Variants in PDE3A observed in about 807,000 individuals in gnomAD.
PDE3A encodes the protein phosphodiesterase 3A, also known as cGMP-inhibited 3',5'-cyclic phosphodiesterase 3A.
Under a neutral mutation model 98.3 loss-of-function variants are expected in PDE3A, and 43 were observed. The ratio of observed to expected loss-of-function variants is 0.44; its 90% CI spans 0.34 to 0.56. The LOEUF is 0.56. PDE3A is among the 20% of genes least tolerant of loss of function. PDE3A has a pLI of 0.01. For missense variants in PDE3A, 1,427 were observed against 1,440.7 expected, an observed-to-expected ratio of 0.99 and a Z score of 0.15; for synonymous variants, 663 against 567.9, an observed-to-expected ratio of 1.17 and a Z score of -2.38.
intron 1 of PDE3A, among the ~76,000 whole-genome samples, chr12:20,525,244 G>A (rs1946495333): frequency 6.6e-6 from 1 of 152,146 alleles, no homozygotes; most frequent in South Asian, 2.1e-4. Flanking sequence ...TATATGTGTT[G>A]TGAGGACTGA....
At chr12:20,435,717 CT>C (rs990690049) in intron 1 of PDE3A, among the ~76,000 whole-genome samples, 11 of 152,164 alleles carry the variant, frequency 7.2e-5, no homozygotes, top group African/African-American at 2.4e-4. Context: ...TAACTCACAG[CT>C]CTTGTAAGGA....
At chr12:20,556,765 C>A in intron 2 of PDE3A, 55 bp downstream of exon 2, 1 of 1,260,492 alleles carries the variant, frequency 7.9e-7, no homozygotes, top group Non-Finnish European at 1.2e-6. Flanking sequence ...CTTTCAGCCA[C>A]GGGTTTTCTA....
chr12:20,424,627 C>T (rs1944574850), intron 1 of PDE3A, among the ~76,000 whole-genome samples: 2 of 152,064 alleles, frequency 1.3e-5, no homozygotes, highest in Admixed American at 6.6e-5. Flanking sequence ...TTACACCTGC[C>T]TTATGGATGA....
intron 1 of PDE3A, among the ~76,000 whole-genome samples, chr12:20,548,537 C>A (rs1431284127): frequency 6.6e-6 from 1 of 151,842 alleles, no homozygotes; most frequent in Admixed American, 6.6e-5. Flanking sequence ...TCAATCTCTC[C>A]CTCTCTGTTT....
intron 1 of PDE3A, among the ~76,000 whole-genome samples, chr12:20,429,925 C>T (rs1381581999): frequency 1.3e-5 from 2 of 151,958 alleles, no homozygotes; most frequent in East Asian, 1.9e-4. Context: ...TACATTTTGC[C>T]ACACGGTTGT....
intron 10 of PDE3A, among the ~76,000 whole-genome samples, chr12:20,645,369 T>C (rs924308316): frequency 6.6e-6 from 1 of 152,164 alleles, no homozygotes; most frequent in African/African-American, 2.4e-5. Context: ...ACATTGACCA[T>C]AGGTTTCCTC....
rs571962291 is a variant in PDE3A, at chr12:20,405,840, C to T, written c.960+35596C>T. Among the ~76,000 whole-genome samples, 5 of 152,254 alleles carry T rather than the reference C, an allele frequency of 3.3e-5. No homozygotes were observed. The East Asian group carries it at 9.7e-4, about 29-fold the overall frequency. On this transcript the variant is annotated intron_variant, in intron 1 of 15. Coordinates refer to ENST00000359062, the MANE Select transcript of PDE3A (RefSeq NM_000921.5). ...TAGATCCCCAGAACATGTGAACTTACTCATCTTGTAACTGAAAGTTTCTAC... is the reference window on the plus strand; with the variant it reads ...TAGATCCCCAGAACATGTGAACTTATTCATCTTGTAACTGAAAGTTTCTAC...
At chr12:20,526,146 A>T (rs940566548) in intron 1 of PDE3A, among the ~76,000 whole-genome samples, 3 of 152,186 alleles carry the variant, frequency 2.0e-5, no homozygotes, top group Non-Finnish European at 4.4e-5. Flanking sequence ...TGGACATCAC[A>T]CTTGAGGGGT....
chr12:20,524,397 G>GA (rs1946480166), intron 1 of PDE3A, among the ~76,000 whole-genome samples: 1 of 152,098 alleles, frequency 6.6e-6, no homozygotes, highest in Non-Finnish European at 1.5e-5. Flanking sequence ...AGAGAGGGGG[G>GA]ATCTTCAGTT....
At chr12:20,458,600 G>GA (rs1363878968) in intron 1 of PDE3A, among the ~76,000 whole-genome samples, 5 of 152,114 alleles carry the variant, frequency 3.3e-5, no homozygotes, top group African/African-American at 1.2e-4. Flanking sequence ...ACTATAAGCA[G>GA]AAAAAACTGG....
intron 7 of PDE3A, 72 bp from the exon 8 acceptor site, chr12:20,634,830 G>A (rs1050606262): frequency 3.7e-6 from 4 of 1,080,190 alleles, no homozygotes; most frequent in Non-Finnish European, 5.7e-6. Context: ...ATGCATCTTA[G>A]CAAAATTTGC....
intron 15 of PDE3A, among the ~76,000 whole-genome samples, chr12:20,668,509 G>A (rs1297971648): frequency 1.3e-5 from 2 of 152,216 alleles, no homozygotes; most frequent in African/African-American, 4.8e-5. Flanking sequence ...TCTGAGAACA[G>A]GCAGACTGCC....
At chr12:20,526,252 A>T (rs1946515713) in intron 1 of PDE3A, among the ~76,000 whole-genome samples, 1 of 151,996 alleles carries the variant, frequency 6.6e-6, no homozygotes, top group Non-Finnish European at 1.5e-5. Flanking sequence ...TATTGATATT[A>T]TTTTCAAGTT....
intron 1 of PDE3A, among the ~76,000 whole-genome samples, chr12:20,430,344 C>A (rs952839196): frequency 6.6e-6 from 1 of 152,032 alleles, no homozygotes; most frequent in Non-Finnish European, 1.5e-5. Flanking sequence ...ATATCTATCC[C>A]TAAAGGAAGA....
chr12:20,619,963 C>A (rs964728188), intron 4 of PDE3A, among the ~76,000 whole-genome samples: 6 of 152,044 alleles, frequency 3.9e-5, no homozygotes, highest in South Asian at 2.1e-4. Context: ...TGGATACAGA[C>A]AATAGTAAGA....
intron 2 of PDE3A, among the ~76,000 whole-genome samples, chr12:20,564,324 A>G (rs1482631415): frequency 6.6e-6 from 1 of 152,182 alleles, no homozygotes; most frequent in Middle Eastern, 3.2e-3. Context: ...TGATAGGTGT[A>G]TGGAAGATAG....
chr12:20,631,160 C>T (rs1259867383), intron 6 of PDE3A, among the ~76,000 whole-genome samples: 1 of 151,870 alleles, frequency 6.6e-6, no homozygotes, highest in Admixed American at 6.6e-5. Context: ...ATTCGTTTGC[C>T]CAGAGCCAAA....
intron 1 of PDE3A, among the ~76,000 whole-genome samples, chr12:20,469,849 C>T (rs1945405930): frequency 6.6e-6 from 1 of 152,136 alleles, no homozygotes; most frequent in Non-Finnish European, 1.5e-5. Context: ...AGTGCTATAA[C>T]TGTAAATAAC....
intron 1 of PDE3A, among the ~76,000 whole-genome samples, chr12:20,531,476 G>T (rs1368936021): frequency 6.6e-6 from 1 of 152,046 alleles, no homozygotes; most frequent in Non-Finnish European, 1.5e-5. Flanking sequence ...CATTATATTA[G>T]ATAAGAAGGT....
Sources: gnomAD v4.1 joint callset for allele counts (sites outside exome capture counted in the v4.1 genomes callset) on GRCh38, gnomAD v4.1.1 for gene constraint, MANE v1.5 for transcripts, NCBI Gene and HGNC (gene_info 2026-07-23, HGNC 2026-07-21) for gene names.